TTC28: variants seen among roughly 807,000 people sequenced by gnomAD.
TTC28 encodes the protein tetratricopeptide repeat domain 28.
A neutral mutation model predicts 198.0 loss-of-function variants in TTC28; 61 were observed. The ratio of observed to expected loss-of-function variants is 0.31; its 90% CI spans 0.25 to 0.38. TTC28 has a LOEUF of 0.38. TTC28 is among the 10% of genes least tolerant of loss of function. The pLI, the probability that TTC28 is intolerant of heterozygous loss-of-function variation, is 1.00. For missense variants in TTC28, 2,678 were observed against 3,164.0 expected (o/e 0.85, Z 3.69); for synonymous variants, 1,171 against 1,297.8 (o/e 0.90, Z 2.10).
intron 1 of TTC28, among the ~76,000 whole-genome samples, chr22:28,661,707 C>T (rs1001576668): frequency 6.6e-6 from 1 of 151,820 alleles, no homozygotes. Context: ...CTCCCAGGTT[C>T]AAGCAATTAT....
In TTC28 at chr22:28,519,201, A is replaced by G. The variant is rs566272440; in HGVS notation, c.381+110351T>C. On this transcript the variant is annotated intron_variant, in intron 2 of 22. Coordinates refer to ENST00000397906, the MANE Select transcript of TTC28 (RefSeq NM_001145418.2). ...AAAATTTTTAACAATCAGATCCAGG[A>G]ACCCTCACAGTAACCTGGGTCCATT... Among the ~76,000 whole-genome samples, 11 of 152,334 alleles carry G rather than the reference A, an allele frequency of 7.2e-5. 1 individual carries two copies. The South Asian group carries it at 2.3e-3, about 32-fold the overall frequency.
chr22:28,546,796 A>C (rs2049552073), intron 2 of TTC28, among the ~76,000 whole-genome samples: 1 of 152,380 alleles, frequency 6.6e-6, no homozygotes, highest in South Asian at 2.1e-4. Context: ...CAACAATAAA[A>C]AGGAGTAAAT....
rs60865010 is a variant in TTC28, at chr22:28,161,753, C to CAGGAAAGGAA, written c.1441+1329_1441+1338dup. On this transcript the variant is annotated intron_variant, in intron 6 of 22. Coordinates refer to ENST00000397906, the MANE Select transcript of TTC28 (RefSeq NM_001145418.2). ...CAGGACAGGACAGGACAGGACAGGACAGGAAAGGAAAGGAGGAAGGAAGAG... is the reference window on the plus strand; with the variant it reads ...CAGGACAGGACAGGACAGGACAGGACAGGAAAGGAAAGGAAAGGAAAGGAGGAAGGAAGAG... Among the ~76,000 whole-genome samples the CAGGAAAGGAA allele has an allele frequency of 3.6e-4, 45 of 123,600 alleles. No individual in the cohort carries two copies. The East Asian group carries it at 8.9e-3, about 24-fold the overall frequency. 81.1% of individuals were successfully genotyped at this position (123,600 alleles called of 152,430 possible). A position where few individuals can be genotyped will look rare whatever the true frequency, so the allele number is the denominator to read the frequency against.
chr22:28,579,627 T>C (rs2050205110), intron 2 of TTC28, among the ~76,000 whole-genome samples: 1 of 121,512 alleles, frequency 8.2e-6, no homozygotes. Flanking sequence ...CATATACAAA[T>C]GTGTGTGTGT....
chr22:28,235,758 C>T (rs1482121840), intron 5 of TTC28, among the ~76,000 whole-genome samples: 1 of 152,128 alleles, frequency 6.6e-6, no homozygotes, highest in Non-Finnish European at 1.5e-5. Flanking sequence ...TAGATCCATA[C>T]CTCCTACTAT....
rs188540888 is a variant in TTC28, at chr22:28,241,139, T to C, written c.933+55059A>G. ...ACCTGAACCACATAATCAAAGTTCA[T>C]TTCCCCAGGTATGAAGCACCCCAAT... On this transcript the variant is annotated intron_variant, in intron 5 of 22. Transcript: ENST00000397906. Among the ~76,000 whole-genome samples the C allele has an allele frequency of 1.1e-4, 17 of 152,274 alleles. No individual in the cohort carries two copies. The East Asian group carries it at 2.9e-3, about 26-fold the overall frequency.
At chr22:27,995,210 GCC>G (rs942866549) in intron 17 of TTC28, among the ~76,000 whole-genome samples, 10 of 152,188 alleles carry the variant, frequency 6.6e-5, no homozygotes, top group Admixed American at 5.9e-4. Flanking sequence ...CATCGACGCT[GCC>G]CCCGGTCCTC....
At chr22:28,055,360 C>G in intron 12 of TTC28, among the ~76,000 whole-genome samples, 2 of 152,036 alleles carry the variant, frequency 1.3e-5, no homozygotes, top group East Asian at 3.9e-4. Flanking sequence ...ATCAATACTT[C>G]TAAAGGAGCT....
Position 28,334,373 on chromosome 22 carries a change from G to C in TTC28, c.382-27730C>G, listed in dbSNP as rs551238353. Among the ~76,000 whole-genome samples the C allele has an allele frequency of 5.3e-5, 8 of 152,288 alleles. No homozygotes were observed. In the South Asian group the frequency reaches 1.2e-3, roughly 24 times the overall value. ...ATCCTTTGGGTATATACCCAGTAAT[G>C]GGATGGCTGGGTCAAACGGTATTTC... On this transcript the variant is annotated intron_variant, in intron 2 of 22. Coordinates refer to ENST00000397906, the MANE Select transcript of TTC28 (RefSeq NM_001145418.2).
At chr22:28,566,703 T>TA (rs536767226) in intron 2 of TTC28, among the ~76,000 whole-genome samples, 2 of 150,984 alleles carry the variant, frequency 1.3e-5, no homozygotes, top group African/African-American at 2.4e-5. Context: ...ATTTTAAAAA[T>TA]AAAAAAAAGA....
intron 5 of TTC28, among the ~76,000 whole-genome samples, chr22:28,293,436 G>A (rs902154306): frequency 6.6e-5 from 10 of 152,070 alleles, no homozygotes; most frequent in Non-Finnish European, 1.5e-4. Context: ...CATGCAAGCA[G>A]AGCATGGACA....
At chr22:28,537,292 C>CTAAACT (rs2049301333) in intron 2 of TTC28, among the ~76,000 whole-genome samples, 2 of 69,202 alleles carry the variant, frequency 2.9e-5, no homozygotes, top group South Asian at 6.3e-4. Context: ...GACTCCGTCT[C>CTAAACT]AAAAATAAAA....
chr22:28,277,280 T>C (rs925474062), intron 5 of TTC28, among the ~76,000 whole-genome samples: 1 of 152,192 alleles, frequency 6.6e-6, no homozygotes, highest in Non-Finnish European at 1.5e-5. Context: ...AAGGAGAACT[T>C]TGGGATTCAT....
intron 2 of TTC28, among the ~76,000 whole-genome samples, chr22:28,452,325 G>C (rs987236463): frequency 1.4e-5 from 2 of 138,816 alleles, no homozygotes; most frequent in Admixed American, 7.6e-5. Flanking sequence ...AGGAGGCAGA[G>C]GTTTCAATGA....
At chr22:28,343,528 TC>T (rs1305875205) in intron 2 of TTC28, among the ~76,000 whole-genome samples, 1 of 85,482 alleles carries the variant, frequency 1.2e-5, no homozygotes, top group Non-Finnish European at 2.6e-5. Flanking sequence ...AGACTCTGTC[TC>T]AAAAAAAAAA....
At chr22:28,015,911 C>T (rs1477161208) in intron 13 of TTC28, among the ~76,000 whole-genome samples, 2 of 151,696 alleles carry the variant, frequency 1.3e-5, no homozygotes, top group Non-Finnish European at 2.9e-5. Context: ...CAGAAGGCTG[C>T]TCCTCTCTGC....
At chr22:28,412,707 G>A (rs371034290) in intron 2 of TTC28, among the ~76,000 whole-genome samples, 1 of 152,070 alleles carries the variant, frequency 6.6e-6, no homozygotes, top group South Asian at 2.1e-4. Context: ...CTGTTCTTAC[G>A]TTCATTTCAC....
intron 12 of TTC28, among the ~76,000 whole-genome samples, chr22:28,033,144 G>C (rs1218907816): frequency 1.3e-5 from 2 of 152,110 alleles, no homozygotes; most frequent in East Asian, 3.9e-4. Context: ...CCATTATCTT[G>C]CAGTTCTGTT....
At chr22:28,285,184 A>T (rs189710476) in intron 5 of TTC28, among the ~76,000 whole-genome samples, 114 of 152,344 alleles carry the variant, frequency 7.5e-4, no homozygotes, top group Admixed American at 2.2e-3. Context: ...ACATACAAAA[A>T]TATATGTACA....
Sources: allele counts gnomAD v4.1 joint callset (sites outside exome capture counted in the v4.1 genomes callset), GRCh38; gene constraint gnomAD v4.1.1; transcripts MANE v1.5; gene names NCBI Gene and HGNC (gene_info 2026-07-23, HGNC 2026-07-21).